RECQL5: variants seen among roughly 807,000 people sequenced by gnomAD.
The protein encoded by RECQL5 is ATP-dependent DNA helicase Q5.
Under a neutral mutation model 103.4 loss-of-function variants are expected in RECQL5, and 88 were observed. The observed-to-expected ratio is 0.85, with a 90% CI of 0.72 to 1.02. The LOEUF is 1.02. Ranked by LOEUF, RECQL5 falls within the 50% of genes least tolerant of loss-of-function variation. The pLI is 0.00. For missense variants in RECQL5, 1,232 were observed against 1,284.3 expected (o/e 0.96, Z 0.62); for synonymous variants, 552 against 507.9 (o/e 1.09, Z -1.17).
chr17:75,634,609 TCAGCG>T (rs1208965415), intron 8 of RECQL5, among the ~76,000 whole-genome samples: 1 of 152,098 alleles, frequency 6.6e-6, no homozygotes, highest in Non-Finnish European at 1.5e-5. Flanking sequence ...CCTGTCGAGG[TCAGCG>T]CAGGGTCTGC....
intron 19 of RECQL5, 34 bp from the exon 20 acceptor site, chr17:75,627,556 G>T: frequency 6.2e-7 from 1 of 1,608,044 alleles, no homozygotes; most frequent in South Asian, 1.1e-5. Context: ...GAGGAGGTGA[G>T]CGTTAGCCTC....
At chr17:75,646,649 C>T (rs750249827) in intron 8 of RECQL5, 1 of 152,378 alleles carries the variant, frequency 6.6e-6, no homozygotes, top group Non-Finnish European at 1.5e-5. Flanking sequence ...CTTTTCCTCT[C>T]AACAGTTGCT....
intron 8 of RECQL5, among the ~76,000 whole-genome samples, chr17:75,635,188 G>A (rs924679226): frequency 1.3e-5 from 2 of 152,252 alleles, no homozygotes; most frequent in African/African-American, 4.8e-5. Flanking sequence ...CAGCTCAGCA[G>A]AGGCTGGGGG....
chr17:75,630,126 G>A, intron 14 of RECQL5, 58 bp downstream of exon 14: 1 of 1,393,978 alleles, frequency 7.2e-7, no homozygotes, highest in Non-Finnish European at 9.7e-7. Context: ...GACAGCTTCT[G>A]CGTCAGAGTA....
intron 8 of RECQL5, chr17:75,638,955 T>G (rs549656051): frequency 1.3e-5 from 2 of 152,414 alleles, no homozygotes; most frequent in South Asian, 4.1e-4. Context: ...TGGGACTAAC[T>G]GGGGGCCAGC....
At position 75,629,743 on chromosome 17, in the gene RECQL5, C is replaced by A. The variant is rs1198110296; in HGVS notation, c.1912G>T (p.Glu638Ter). 1 of 1,613,508 alleles carries A rather than the reference C, an allele frequency of 6.2e-7. No homozygotes were observed. The highest frequency in any genetic ancestry group is 1.1e-5 in the South Asian group (1 of 91,052). ...SAQAEPPEPN[E>*]YDIPPASHVY... ...TGGGAGGCTGGTGGAATGTCATACT[C>A]ATTGGGCTCCGGGGGCTCAGCTTGG... is the stretch of plus-strand genomic sequence containing the variant. Residue 638 changes from glutamate (E) to a stop codon, truncating the protein, a stop_gained, in exon 15 of 20, where the codon GAG (glutamate) becomes TAG (stop). Transcript: ENST00000317905. LOFTEE classifies it high-confidence loss of function.
At position 75,631,449 on chromosome 17, in the gene RECQL5, C is replaced by G; in HGVS notation, c.1448+1G>C. 1 of 1,605,716 alleles carries G rather than the reference C, an allele frequency of 6.2e-7. No individual in the cohort carries two copies. The highest frequency in any genetic ancestry group is 8.5e-7 in the Non-Finnish European group (1 of 1,173,750). On this transcript the variant is annotated splice_donor_variant, in intron 9 of 19. Transcript: ENST00000317905. LOFTEE classifies it high-confidence loss of function. ...GGAGCCCTGGCTTCTCGGCCCCTTACCTGCTGAAGTCCCCGTAGCCCTTGC... is the reference window on the plus strand; with the variant it reads ...GGAGCCCTGGCTTCTCGGCCCCTTAGCTGCTGAAGTCCCCGTAGCCCTTGC...
At chr17:75,662,353 T>C (rs1056250275) in intron 4 of RECQL5, 126 bp downstream of exon 4, 3 of 1,046,126 alleles carry the variant, frequency 2.9e-6, no homozygotes, top group Non-Finnish European at 4.2e-6. Flanking sequence ...ACTCTTTTTG[T>C]GCACAAGTTT....
In RECQL5 at chr17:75,658,323, A is replaced by G. The variant is rs2059654222; in HGVS notation, c.1124T>C (p.Ile375Thr). Residue 375 changes from isoleucine to threonine, a missense_variant, in exon 7 of 20, where the codon ATC (isoleucine) becomes ACC (threonine). Coordinates refer to ENST00000317905, the MANE Select transcript of RECQL5 (RefSeq NM_004259.7). ...RNDRDQVSFL[I>T]RKEVAKLQEK... Reference sequence around the variant, plus strand: ...CTGGAGTTTTGCTACTTCCTTCCTGATCAGGAAGCTGACTTGGTCCCGGTC... The same window carrying G: ...CTGGAGTTTTGCTACTTCCTTCCTGGTCAGGAAGCTGACTTGGTCCCGGTC... The G allele has an allele frequency of 6.2e-7, 1 of 1,613,824 alleles. No individual in the cohort carries two copies. Among genetic ancestry groups the G allele is most frequent in the Non-Finnish European group, 8.5e-7 (1 of 1,179,856 alleles).
intron 16 of RECQL5, 39 bp from the exon 17 acceptor site, chr17:75,628,801 T>G: frequency 6.2e-7 from 1 of 1,604,902 alleles, no homozygotes; most frequent in African/African-American, 1.3e-5. Flanking sequence ...CACTGGGTCC[T>G]GGTGGCTCCC....
chr17:75,635,014 C>T (rs1000059605), intron 8 of RECQL5, among the ~76,000 whole-genome samples: 6 of 152,268 alleles, frequency 3.9e-5, no homozygotes, highest in Middle Eastern at 6.8e-3. Flanking sequence ...GGGCAGGGCC[C>T]GTGAGCCGAG....
At position 75,628,968 on chromosome 17, in the gene RECQL5, G is replaced by T. The variant is rs773915180; in HGVS notation, c.2455C>A (p.Pro819Thr). 1.9e-6 allele frequency: 3 copies of T among 1,568,404 alleles called. No homozygotes were observed. Among genetic ancestry groups the T allele is most frequent in the Middle Eastern group, 1.7e-4 (1 of 5,852 alleles). Residue 819 changes from proline to threonine, a missense_variant, in exon 16 of 20, where the codon CCC (proline) becomes ACC (threonine). By Grantham distance (38) the Pro-to-Thr change is conservative. Transcript: ENST00000317905. ...TCCCTGAGGCACTCCTCAGTCTGGGGAGGGGCAGGCGAATGTCCCCCGGCT... is the reference window on the plus strand; with the variant it reads ...TCCCTGAGGCACTCCTCAGTCTGGGTAGGGGCAGGCGAATGTCCCCCGGCT... Reference protein sequence around the residue: ...DGAGGHSPAPPQTEECLRERP... With the variant: ...DGAGGHSPAPTQTEECLRERP...
At chr17:75,642,698 A>G (rs999241755) in intron 8 of RECQL5, among the ~76,000 whole-genome samples, 3 of 152,190 alleles carry the variant, frequency 2.0e-5, no homozygotes, top group Admixed American at 6.5e-5. Context: ...ACACATACTC[A>G]GCATTGTCTT....
chr17:75,634,253 G>C, intron 8 of RECQL5: 1 of 985,510 alleles, frequency 1.0e-6, no homozygotes, highest in Non-Finnish European at 1.2e-6. Context: ...GAGCAGCAAG[G>C]GTCCCCTGCC....
At position 75,627,122 on chromosome 17, in the gene RECQL5, T is replaced by C. The variant is rs74528906; in HGVS notation, c.*300A>G. ...GAACTCGGGGAGGGGCCACTCTTCCTTCCCCTTCTTCCAGCAGCAGCTCCA... is the reference window on the plus strand; with the variant it reads ...GAACTCGGGGAGGGGCCACTCTTCCCTCCCCTTCTTCCAGCAGCAGCTCCA... On this transcript the variant is annotated 3_prime_UTR_variant, in exon 20 of 20. Transcript: ENST00000317905. The C allele has an allele frequency of 4.8e-3, 2,526 of 526,878 alleles. 28 individuals are homozygous for C. Among genetic ancestry groups the C allele is most frequent in the African/African-American group, 0.026 (1,344 of 52,694 alleles). The allele number at this position is 526,878 out of a possible 1,614,324, so 32.6% of individuals were successfully genotyped here.
rs538907147 is a variant in RECQL5 at position 75,641,942 on chromosome 17, G to A, written c.1229+9244C>T. Among the ~76,000 whole-genome samples the A allele has an allele frequency of 2.6e-5, 4 of 152,286 alleles. No individual in the cohort carries two copies. The East Asian group carries it at 7.7e-4, about 29-fold the overall frequency. ...GGAGCAAATCCTGGTACTGCTTCCT[G>A]GGGTTTGCTGTGAGGATAAACTAAG... On this transcript the variant is annotated intron_variant, in intron 8 of 19. Coordinates refer to ENST00000317905, the MANE Select transcript of RECQL5 (RefSeq NM_004259.7).
chr17:75,654,606 C>A (rs820211), intron 7 of RECQL5, among the ~76,000 whole-genome samples: 54,983 of 151,896 alleles, frequency 0.36, 10,158 homozygotes, highest in East Asian at 0.55. Context: ...TACAGCATTG[C>A]ATTTTTATTT....
chr17:75,649,904 G>A lies in RECQL5; in HGVS notation c.1229+1282C>T, dbSNP rs1359471360. On this transcript the variant is annotated intron_variant, in intron 8 of 19. Coordinates refer to ENST00000317905, the MANE Select transcript of RECQL5 (RefSeq NM_004259.7). ...ATGCACTAAGAAGTCCCAGCTCCCC[G>A]GAAGGTGACAGGAGAAATGAAGGCA... The A allele has an allele frequency of 8.1e-6, 8 of 985,556 alleles. No homozygotes were observed. In the Admixed American group the frequency reaches 1.8e-4, roughly 23 times the overall value. The allele number at this position is 985,556 out of a possible 1,614,324, so 61.1% of individuals were successfully genotyped here. A position where few individuals can be genotyped will look rare whatever the true frequency, so the allele number is the denominator to read the frequency against.
chr17:75,632,811 G>T lies in RECQL5; in HGVS notation c.1230-1143C>A, dbSNP rs528848661. The stretch of plus-strand genomic sequence containing the variant: ...CAGGAACGTGGCACAGGGTAGGGAA[G>T]CCCAAGAGGAGATGCTGGAACACAG... On this transcript the variant is annotated intron_variant, in intron 8 of 19. Transcript: ENST00000317905. 1.4e-3 allele frequency among the ~76,000 whole-genome samples: 209 copies of T among 152,348 alleles called. 2 individuals carry two copies. Among genetic ancestry groups the T allele is most frequent in the Admixed American group, 1.1e-3 (17 of 15,310 alleles).
Sources: gnomAD v4.1 joint callset for allele counts (sites outside exome capture counted in the v4.1 genomes callset) on GRCh38, gnomAD v4.1.1 for gene constraint, MANE v1.5 for transcripts, NCBI Gene and HGNC (gene_info 2026-07-23, HGNC 2026-07-21) for gene names.